Variants in UBE2D2 observed in about 807,000 individuals in gnomAD.
The protein encoded by UBE2D2 is ubiquitin-conjugating enzyme E2 D2.
In UBE2D2, 2 loss-of-function variants were observed where a neutral mutation model predicts 24.2. That is an observed-to-expected ratio of 0.08 (90% CI 0.03 to 0.26). The LOEUF (loss-of-function observed/expected upper bound fraction) is 0.26, where lower values mean the gene tolerates loss of function less well. Ranked by LOEUF, UBE2D2 falls within the 10% of genes least tolerant of loss-of-function variation. The probability of loss-of-function intolerance (pLI) is 1.00; values close to 1 mark genes in which losing one functional copy is unlikely to be tolerated. For missense variants in UBE2D2, 44 were observed against 177.6 expected (o/e 0.25, Z 4.28); for synonymous variants, 58 against 56.5 (o/e 1.03, Z -0.12).
chr5:139,609,937 A>T (rs928347649), intron 2 of UBE2D2, among the ~76,000 whole-genome samples: 1 of 151,414 alleles, frequency 6.6e-6, no homozygotes, highest in African/African-American at 2.4e-5. Flanking sequence ...ACGCCCAGCT[A>T]ATTTTTTGTA....
In UBE2D2 at chr5:139,562,121, T is replaced by C. The variant is rs546037326; in HGVS notation, c.24+306T>C. 4.6e-4 allele frequency: 508 copies of C among 1,093,832 alleles called. 9 individuals carry two copies. In the South Asian group the frequency reaches 7.2e-3, roughly 15 times the overall value. The allele number at this position is 1,093,832 out of a possible 1,614,324, so 67.8% of individuals were successfully genotyped here. ...GGACTGCCGCTGCACTTGAGGGCCATTGTCGGGCCAGGATGGCGGGGTTGG... is the reference window on the plus strand; with the variant it reads ...GGACTGCCGCTGCACTTGAGGGCCACTGTCGGGCCAGGATGGCGGGGTTGG... On this transcript the variant is annotated intron_variant, in intron 1 of 6. Coordinates refer to ENST00000398733, the MANE Select transcript of UBE2D2 (RefSeq NM_003339.3).
At chr5:139,582,676 T>G (rs1340051406) in intron 1 of UBE2D2, among the ~76,000 whole-genome samples, 1 of 147,938 alleles carries the variant, frequency 6.8e-6, no homozygotes, top group African/African-American at 2.5e-5. Context: ...ATTTTTTTTT[T>G]TTTTTTTTTT....
intron 2 of UBE2D2, among the ~76,000 whole-genome samples, chr5:139,613,893 C>T (rs1298622662): frequency 3.3e-5 from 5 of 152,014 alleles, no homozygotes; most frequent in East Asian, 3.9e-4. Flanking sequence ...AAAACCTTGT[C>T]TCTACTAAAA....
rs976861602 is a variant in UBE2D2 at position 139,600,493 on chromosome 5, G to A, written c.88+58G>A. ...CATAACAGTGGTTATTTTGTGTGAA[G>A]AAACAATTATGGTATAGGGAAGAGG... On this transcript the variant is annotated intron_variant, in intron 2 of 6. Transcript: ENST00000398733. 14 of 1,573,694 alleles carry A rather than the reference G, an allele frequency of 8.9e-6. No individual in the cohort carries two copies. The East Asian group carries it at 3.1e-4, about 35-fold the overall frequency.
intron 5 of UBE2D2, among the ~76,000 whole-genome samples, chr5:139,618,193 C>T (rs1474589669): frequency 2.0e-5 from 3 of 151,942 alleles, no homozygotes; most frequent in Non-Finnish European, 4.4e-5. Context: ...AGGCTGGTCT[C>T]GAACTCCCAA....
At chr5:139,604,650 T>C (rs372124386) in intron 2 of UBE2D2, among the ~76,000 whole-genome samples, 10 of 152,144 alleles carry the variant, frequency 6.6e-5, no homozygotes, top group African/African-American at 2.4e-4. Context: ...CTGGGGAGAC[T>C]GAGACTGGAG....
chr5:139,528,527 C>G (rs1185038150), intron 1 of UBE2D2, among the ~76,000 whole-genome samples: 1 of 152,284 alleles, frequency 6.6e-6, no homozygotes, highest in East Asian at 1.9e-4. Flanking sequence ...AAAGGCTGGC[C>G]CCCATGTCCA....
At chr5:139,572,280 T>A (rs916478560) in intron 1 of UBE2D2, among the ~76,000 whole-genome samples, 1 of 152,208 alleles carries the variant, frequency 6.6e-6, no homozygotes, top group African/African-American at 2.4e-5. Context: ...CCAAAGTGTA[T>A]GAAATCATGC....
intron 1 of UBE2D2, among the ~76,000 whole-genome samples, chr5:139,533,525 C>T (rs1752624900): frequency 1.3e-5 from 2 of 151,722 alleles, no homozygotes; most frequent in South Asian, 2.1e-4. Flanking sequence ...TGTCTGGCGC[C>T]GTTAATCCCA....
At chr5:139,585,231 CA>C (rs1561511419) in intron 1 of UBE2D2, among the ~76,000 whole-genome samples, 1 of 141,866 alleles carries the variant, frequency 7.0e-6, no homozygotes, top group African/African-American at 2.6e-5. Flanking sequence ...TTTTTTGAGA[CA>C]GAGTTTTACC....
chr5:139,574,608 T>G (rs1753428096), intron 1 of UBE2D2, among the ~76,000 whole-genome samples: 1 of 152,102 alleles, frequency 6.6e-6, no homozygotes. Context: ...TGATTGATTA[T>G]TCCCCTATTT....
chr5:139,613,971 A>T (rs752378927), intron 2 of UBE2D2, among the ~76,000 whole-genome samples: 4 of 151,426 alleles, frequency 2.6e-5, no homozygotes, highest in Non-Finnish European at 5.9e-5. Flanking sequence ...CTGAGGCAGG[A>T]GAATTGCTTG....
At chr5:139,533,507 G>A (rs1752624656) in intron 1 of UBE2D2, among the ~76,000 whole-genome samples, 1 of 151,898 alleles carries the variant, frequency 6.6e-6, no homozygotes, top group Non-Finnish European at 1.5e-5. Context: ...AAAATTAGCT[G>A]GGCGTGGTGT....
intron 1 of UBE2D2, among the ~76,000 whole-genome samples, chr5:139,541,711 T>C (rs1273914520): frequency 6.6e-6 from 1 of 151,160 alleles, no homozygotes; most frequent in Admixed American, 6.6e-5. Flanking sequence ...AGTTGGAGTT[T>C]AGCCTGAGCA....
intron 2 of UBE2D2, among the ~76,000 whole-genome samples, chr5:139,613,695 T>A (rs1368451463): frequency 6.6e-6 from 1 of 151,976 alleles, no homozygotes; most frequent in Non-Finnish European, 1.5e-5. Flanking sequence ...TACACAAGAG[T>A]TTTTAGAAAT....
intron 1 of UBE2D2, among the ~76,000 whole-genome samples, chr5:139,532,272 G>A (rs930406597): frequency 3.4e-5 from 5 of 147,774 alleles, no homozygotes; most frequent in Admixed American, 6.8e-5. Flanking sequence ...TCCACCTCCC[G>A]GGTTCAAGCA....
At chr5:139,598,922 T>A (rs1754013274) in intron 1 of UBE2D2, among the ~76,000 whole-genome samples, 1 of 87,236 alleles carries the variant, frequency 1.1e-5, no homozygotes. Context: ...TATATTCCTT[T>A]TTTTTTTTTT....
intron 1 of UBE2D2, among the ~76,000 whole-genome samples, chr5:139,534,422 C>T (rs1178325905): frequency 4.6e-5 from 7 of 152,126 alleles, no homozygotes; most frequent in East Asian, 1.9e-4. Context: ...AACCATTAGC[C>T]GGGCGTCGTG....
At chr5:139,547,484 G>C (rs1752848970) in intron 1 of UBE2D2, among the ~76,000 whole-genome samples, 2 of 151,846 alleles carry the variant, frequency 1.3e-5, no homozygotes, top group Admixed American at 1.3e-4. Context: ...AAAGTGCTGG[G>C]ATTACATGCG....
Sources: allele counts gnomAD v4.1 joint callset (sites outside exome capture counted in the v4.1 genomes callset), GRCh38; gene constraint gnomAD v4.1.1; transcripts MANE v1.5; gene names NCBI Gene and HGNC (gene_info 2026-07-23, HGNC 2026-07-21).